The following HEPH variants were observed in gnomAD, a reference collection of about 807,000 sequenced individuals.
The protein encoded by HEPH is hephaestin.
Under a neutral mutation model 80.8 loss-of-function variants are expected in HEPH, and 69 were observed. The ratio of observed to expected loss-of-function variants is 0.85; its 90% CI spans 0.70 to 1.04. The LOEUF is 1.04. HEPH is among the 50% of genes least tolerant of loss of function. The pLI is 0.00. For missense variants in HEPH, 1,115 were observed against 891.3 expected (o/e 1.25, Z -3.20); for synonymous variants, 431 against 322.8 (o/e 1.34, Z -3.60).
chrX:66,170,838 C>T, intron 2 of HEPH, 101 bp downstream of exon 2: 1 of 714,260 alleles, frequency 1.4e-6, no homozygotes, highest in Non-Finnish European at 2.1e-6. Context: ...GTGGTAGCAG[C>T]CAGCTCCTGA....
chrX:66,211,427 T>C (rs1357271098), intron 15 of HEPH, among the ~76,000 whole-genome samples: 1 of 111,608 alleles, frequency 9.0e-6, no homozygotes, highest in African/African-American at 3.3e-5. Flanking sequence ...AACATTGAAT[T>C]CATTCCATTT....
intron 15 of HEPH, among the ~76,000 whole-genome samples, chrX:66,230,365 T>C (rs1192998316): frequency 9.9e-6 from 1 of 100,855 alleles, no homozygotes; most frequent in East Asian, 3.0e-4. Flanking sequence ...ACTTCCACAA[T>C]GGTTGAACTA....
chrX:66,244,419 G>C (rs1273655075), intron 15 of HEPH, among the ~76,000 whole-genome samples: 1 of 111,418 alleles, frequency 9.0e-6, no homozygotes, highest in Non-Finnish European at 1.9e-5. Flanking sequence ...CGAGCTTTGA[G>C]GTTCTTTCCT....
chrX:66,212,994 T>A (rs1262077578), intron 15 of HEPH, among the ~76,000 whole-genome samples: 3 of 109,773 alleles, frequency 2.7e-5, no homozygotes, highest in Non-Finnish European at 5.7e-5. Context: ...CTTTCATCAG[T>A]GTTTGTAGTT....
chrX:66,236,105 C>A (rs917378072), intron 15 of HEPH, among the ~76,000 whole-genome samples: 1 of 111,137 alleles, frequency 9.0e-6, no homozygotes, highest in Non-Finnish European at 1.9e-5. Context: ...TTTTTTATTT[C>A]TCTTACCTGA....
intron 15 of HEPH, among the ~76,000 whole-genome samples, chrX:66,225,995 G>A (rs1227682925): frequency 8.9e-6 from 1 of 111,770 alleles, no homozygotes; most frequent in Non-Finnish European, 1.9e-5. Flanking sequence ...CAACTTTAAG[G>A]GGGTCTGTGT....
chrX:66,213,702 A>C (rs2089261059), intron 15 of HEPH, among the ~76,000 whole-genome samples: 1 of 111,968 alleles, frequency 8.9e-6, no homozygotes, highest in Admixed American at 9.5e-5. Flanking sequence ...TACTGATGAA[A>C]TCACACTAGT....
chrX:66,208,631 CATATATATATATATATATATATATATAT>C (rs56924616), intron 15 of HEPH, among the ~76,000 whole-genome samples: 555 of 35,120 alleles, frequency 0.016, 12 homozygotes, highest in African/African-American at 0.036. Flanking sequence ...TATATACATA[CATATATATATATATATATATATATATAT>C]ATATATATAT....
intron 4 of HEPH, among the ~76,000 whole-genome samples, chrX:66,174,094 T>C (rs1031475520): frequency 1.8e-5 from 2 of 109,938 alleles, no homozygotes; most frequent in Non-Finnish European, 3.8e-5. Flanking sequence ...ATTTGTGAGA[T>C]TTTGGTGCAC....
chrX:66,217,301 T>C (rs2089440903), intron 15 of HEPH, among the ~76,000 whole-genome samples: 1 of 111,200 alleles, frequency 9.0e-6, no homozygotes, highest in East Asian at 2.8e-4. Flanking sequence ...AGGTAACATA[T>C]AAAGGAAAAC....
intron 15 of HEPH, among the ~76,000 whole-genome samples, chrX:66,216,293 C>A: frequency 8.9e-6 from 1 of 111,877 alleles, no homozygotes; most frequent in Non-Finnish European, 1.9e-5. Context: ...AAAACCAATG[C>A]ACTTAATAAA....
At chrX:66,171,532 CT>C (rs1327516329) in intron 2 of HEPH, among the ~76,000 whole-genome samples, 2 of 111,958 alleles carry the variant, frequency 1.8e-5, no homozygotes, top group Non-Finnish European at 3.8e-5. Context: ...GTGACCATGA[CT>C]CATTTTTTTC....
chrX:66,196,770 T>A (rs1436476782), intron 9 of HEPH, among the ~76,000 whole-genome samples: 3 of 112,113 alleles, frequency 2.7e-5, no homozygotes, highest in Non-Finnish European at 1.9e-5. Context: ...TCAACAAAAC[T>A]CACTGTTGTT....
chrX:66,191,860 A>C (rs958626795), intron 6 of HEPH, among the ~76,000 whole-genome samples: 4 of 111,409 alleles, frequency 3.6e-5, no homozygotes, highest in African/African-American at 1.3e-4. Context: ...TGATGTTGCT[A>C]CAATGTGAGC....
intron 20 of HEPH, among the ~76,000 whole-genome samples, chrX:66,263,971 A>AG (rs1267724886): frequency 9.0e-6 from 1 of 110,561 alleles, no homozygotes; most frequent in Non-Finnish European, 1.9e-5. Context: ...CTAATGTGTG[A>AG]GGGGGGAAGT....
chrX:66,187,514 T>C (rs766250257), intron 4 of HEPH, among the ~76,000 whole-genome samples: 5 of 111,845 alleles, frequency 4.5e-5, no homozygotes, highest in African/African-American at 1.6e-4. Context: ...GATTGTTATC[T>C]CTCTTTTGGG....
chrX:66,260,370 A>T (rs2091321221), intron 19 of HEPH, 108 bp downstream of exon 19: 2 of 618,875 alleles, frequency 3.2e-6, no homozygotes, highest in East Asian at 6.9e-5. Context: ...ATCCCACAAT[A>T]AGCAGGTCTT....
intron 15 of HEPH, among the ~76,000 whole-genome samples, chrX:66,251,869 G>A (rs756543857): frequency 1.9e-3 from 216 of 112,063 alleles, no homozygotes; most frequent in Middle Eastern, 0.014. Context: ...GTAGAGTCTC[G>A]CAAGCCATGG....
chrX:66,215,709 A>G (rs1454171962), intron 15 of HEPH, among the ~76,000 whole-genome samples: 1 of 111,336 alleles, frequency 9.0e-6, no homozygotes, highest in Non-Finnish European at 1.9e-5. Flanking sequence ...TCCAGGAACT[A>G]CAGCAGAAAC....
Sources: gnomAD v4.1 joint callset for allele counts (sites outside exome capture counted in the v4.1 genomes callset) on GRCh38, gnomAD v4.1.1 for gene constraint, MANE v1.5 for transcripts, NCBI Gene and HGNC (gene_info 2026-07-23, HGNC 2026-07-21) for gene names.